EML5: variants seen among roughly 807,000 people sequenced by gnomAD.
EML5 encodes the protein EMAP like 5.
EML5 carries 120 observed loss-of-function variants against 250.0 expected under a neutral mutation model. The ratio of observed to expected loss-of-function variants is 0.48; its 90% confidence interval spans 0.41 to 0.56. EML5 has a LOEUF of 0.56. Ranked by LOEUF, EML5 falls within the 20% of genes least tolerant of loss-of-function variation. EML5 has a pLI of 0.00. For missense variants in EML5, 2,006 were observed against 2,437.6 expected (o/e 0.82, Z 3.73); for synonymous variants, 771 against 806.5 (o/e 0.96, Z 0.75).
rs2093472001 is a variant in EML5 at position 88,715,200 on chromosome 14, T to C, written c.1188-5A>G. 7 of 1,567,918 alleles carry C rather than the reference T, an allele frequency of 4.5e-6. No individual in the cohort carries two copies. Among genetic ancestry groups the C allele is most frequent in the Non-Finnish European group, 5.2e-6 (6 of 1,157,988 alleles). On this transcript the variant is annotated splice_polypyrimidine_tract_variant and splice_region_variant and intron_variant, in intron 8 of 43. Transcript: ENST00000554922. ...TGTACAACTTCCGTCATATCTCTGT[T>C]AAAAAGAAAAAAATGAGACTACATG...
In EML5 at chr14:88,724,569, T is replaced by TAA. The variant is rs36017434; in HGVS notation, c.1187+1970_1187+1971dup. The stretch of plus-strand genomic sequence containing the variant: ...CTGAAAGGGCAAGTAAATGTATAAC[T>TAA]AAAAAAAAATCACTACTTTTGAATG... On this transcript the variant is annotated intron_variant, in intron 8 of 43. Transcript: ENST00000554922. 1.0e-3 allele frequency among the ~76,000 whole-genome samples: 152 copies of TAA among 151,510 alleles called. No homozygotes were observed. The East Asian group carries it at 0.015, about 15-fold the overall frequency.
At chr14:88,616,688 G>A (rs1406542946) in intron 42 of EML5, 38 bp downstream of exon 42, 33 of 1,575,956 alleles carry the variant, frequency 2.1e-5, no homozygotes, top group Non-Finnish European at 2.7e-5. Flanking sequence ...ATCAAAATTA[G>A]GAGTAAACTG....
At chr14:88,695,275 A>G (rs2093051213) in intron 16 of EML5, 86 bp downstream of exon 16, 4 of 1,013,256 alleles carry the variant, frequency 3.9e-6, no homozygotes, top group Non-Finnish European at 5.8e-6. Context: ...TATTTGCTTG[A>G]TTTCAAAATT....
chr14:88,723,117 A>G (rs1328657839), intron 8 of EML5, among the ~76,000 whole-genome samples: 2 of 152,132 alleles, frequency 1.3e-5, no homozygotes, highest in Non-Finnish European at 2.9e-5. Context: ...TCATTCTTAA[A>G]AAGGAAGAAA....
chr14:88,742,106 C>T (rs372267347), intron 4 of EML5, among the ~76,000 whole-genome samples: 1 of 152,240 alleles, frequency 6.6e-6, no homozygotes, highest in East Asian at 1.9e-4. Flanking sequence ...GATGCCTGGA[C>T]TCCCAATTGA....
At chr14:88,627,104 A>G (rs888438837) in intron 34 of EML5, 58 bp from the exon 35 acceptor site, 1 of 1,545,650 alleles carries the variant, frequency 6.5e-7, no homozygotes, top group African/African-American at 1.4e-5. Flanking sequence ...AATCAACAGC[A>G]TCAAACAAAT....
chr14:88,639,380 A>C (rs988145354), intron 31 of EML5, among the ~76,000 whole-genome samples: 1 of 152,204 alleles, frequency 6.6e-6, no homozygotes. Flanking sequence ...AAAGATGAGT[A>C]ACATGGTTGG....
At chr14:88,618,111 C>T (rs1298635678) in intron 41 of EML5, 117 bp downstream of exon 41, 7 of 730,378 alleles carry the variant, frequency 9.6e-6, no homozygotes, top group Non-Finnish European at 1.5e-5. Flanking sequence ...AATATGGTAA[C>T]AAAAACTTGA....
chr14:88,652,195 A>G (rs1449429956), intron 27 of EML5, among the ~76,000 whole-genome samples: 1 of 152,148 alleles, frequency 6.6e-6, no homozygotes, highest in Non-Finnish European at 1.5e-5. Flanking sequence ...CTCTTTATAC[A>G]TAATGAAAAA....
rs1253100494 is a variant in EML5 at position 88,714,980 on chromosome 14, G to A, written c.1403C>T (p.Thr468Ile). Residue 468 changes from threonine to isoleucine, a missense_variant, in exon 9 of 44, where the codon ACA becomes ATA. Coordinates refer to ENST00000554922, the MANE Select transcript of EML5 (RefSeq NM_183387.3). ...DWSSDSRYLQ[T>I]NDGNGKRLFY... ...AAGTCTTTTCCCATTTCCATCATTTGTCTGCAAATATCTACTGTCTGAAGA... is the reference window on the plus strand; with the variant it reads ...AAGTCTTTTCCCATTTCCATCATTTATCTGCAAATATCTACTGTCTGAAGA... 3.7e-6 allele frequency: 6 copies of A among 1,612,544 alleles called. No homozygotes were observed. The highest frequency in any genetic ancestry group is 5.1e-6 in the Non-Finnish European group (6 of 1,179,574).
intron 7 of EML5, among the ~76,000 whole-genome samples, chr14:88,733,681 A>G (rs571067524): frequency 1.1e-4 from 17 of 152,252 alleles, no homozygotes; most frequent in African/African-American, 4.1e-4. Flanking sequence ...CCATCCCCCA[A>G]AAATAGACTG....
At chr14:88,659,935 T>C (rs2092018203) in intron 25 of EML5, among the ~76,000 whole-genome samples, 1 of 152,152 alleles carries the variant, frequency 6.6e-6, no homozygotes, top group African/African-American at 2.4e-5. Flanking sequence ...TATCTTTATG[T>C]TCATGTTGGT....
intron 27 of EML5, among the ~76,000 whole-genome samples, chr14:88,652,258 T>G (rs2091664310): frequency 6.6e-6 from 1 of 152,118 alleles, no homozygotes; most frequent in African/African-American, 2.4e-5. Context: ...ATTGCTATGA[T>G]CTGAGGTACA....
rs2093468905 is a variant in EML5 at position 88,714,989 on chromosome 14, T to C, written c.1394A>G (p.Tyr465Cys). The C allele has an allele frequency of 1.9e-6, 3 of 1,613,572 alleles. No individual in the cohort carries two copies. The highest frequency in any genetic ancestry group is 1.7e-6 in the Non-Finnish European group (2 of 1,179,770). ...CCCATTTCCATCATTTGTCTGCAAATATCTACTGTCTGAAGACCAGTCCAG... is the reference window on the plus strand; with the variant it reads ...CCCATTTCCATCATTTGTCTGCAAACATCTACTGTCTGAAGACCAGTCCAG... ...THLDWSSDSR[Y>C]LQTNDGNGKR... Residue 465 changes from tyrosine (Y) to cysteine (C), a missense_variant, in exon 9 of 44, where the codon TAT becomes TGT. Transcript: ENST00000554922.
chr14:88,682,022 C>T lies in EML5; in HGVS notation c.2992G>A (p.Glu998Lys). The change falls in exon 21 of 44, where the codon GAA becomes AAA. Residue 998 changes from glutamate (E) to lysine (K), a missense_variant. Glu to Lys is a moderately conservative substitution (Grantham distance 56). Coordinates refer to ENST00000554922, the MANE Select transcript of EML5 (RefSeq NM_183387.3). ...PITLLVQGHM[E>K]GEVWGLATHP... ...GTAGCTAAACCCCACACCTCTCCTT[C>T]CATGTGTCCCTATAAAGAAAACATA... The T allele has an allele frequency of 6.3e-7, 1 of 1,595,316 alleles. No homozygotes were observed. Among genetic ancestry groups the T allele is most frequent in the Non-Finnish European group, 8.5e-7 (1 of 1,173,880 alleles).
At chr14:88,788,570 T>C (rs1330798671) in intron 1 of EML5, among the ~76,000 whole-genome samples, 1 of 151,892 alleles carries the variant, frequency 6.6e-6, no homozygotes, top group East Asian at 1.9e-4. Context: ...ATTCTATACC[T>C]ACTTAATACA....
intron 33 of EML5, among the ~76,000 whole-genome samples, chr14:88,631,521 C>T (rs983419839): frequency 3.3e-5 from 5 of 152,336 alleles, no homozygotes; most frequent in African/African-American, 1.2e-4. Context: ...GTAATCCCAG[C>T]ACTTTGAGAA....
At chr14:88,756,455 G>A (rs1485946073) in intron 1 of EML5, among the ~76,000 whole-genome samples, 1 of 152,136 alleles carries the variant, frequency 6.6e-6, no homozygotes, top group Non-Finnish European at 1.5e-5. Context: ...AAACAAGGAT[G>A]TCAGTTCTTG....
chr14:88,666,235 AT>A (rs1167929090), intron 21 of EML5, among the ~76,000 whole-genome samples: 1 of 152,136 alleles, frequency 6.6e-6, no homozygotes, highest in African/African-American at 2.4e-5. Flanking sequence ...TATAAAAGTA[AT>A]TTTTTTTGAG....
Sources: gnomAD v4.1 joint callset for allele counts (sites outside exome capture counted in the v4.1 genomes callset) on GRCh38, gnomAD v4.1.1 for gene constraint, MANE v1.5 for transcripts, NCBI Gene and HGNC (gene_info 2026-07-23, HGNC 2026-07-21) for gene names.